DEUP1: variants seen among roughly 807,000 people sequenced by gnomAD.
The protein encoded by DEUP1 is coiled-coil domain containing 67.
In DEUP1, 82 loss-of-function variants were observed where a neutral mutation model predicts 87.4. The observed-to-expected ratio is 0.94, with a 90% CI of 0.78 to 1.13. DEUP1 has a LOEUF of 1.13. Among genes scored for constraint, DEUP1 ranks in the 50% most tolerant of loss-of-function variants. The pLI, the probability that DEUP1 is intolerant of heterozygous loss-of-function variation, is 0.00. For synonymous variants in DEUP1, 214 were observed against 222.7 expected (o/e 0.96, Z 0.35); for missense variants, 663 against 681.5 (o/e 0.97, Z 0.30).
At chr11:93,390,675 C>A (rs183260181) in intron 9 of DEUP1, among the ~76,000 whole-genome samples, 2 of 152,202 alleles carry the variant, frequency 1.3e-5, no homozygotes, top group East Asian at 3.9e-4. Flanking sequence ...TGACTTTGCA[C>A]AGTTTTGACA....
At chr11:93,338,024 T>G (rs989425591) in intron 2 of DEUP1, among the ~76,000 whole-genome samples, 1 of 152,188 alleles carries the variant, frequency 6.6e-6, no homozygotes, top group Non-Finnish European at 1.5e-5. Context: ...CACCTGGGAC[T>G]TTGTGAGCCT....
intron 2 of DEUP1, chr11:93,352,405 T>C (rs1565299816): frequency 1.4e-6 from 1 of 702,502 alleles, no homozygotes; most frequent in Non-Finnish European, 2.6e-6. Flanking sequence ...AAAAGAACTC[T>C]GTAGTGAGAG....
At chr11:93,381,038 C>T (rs367624238) in intron 7 of DEUP1, among the ~76,000 whole-genome samples, 1 of 152,148 alleles carries the variant, frequency 6.6e-6, no homozygotes, top group East Asian at 1.9e-4. Context: ...ATTTTTCATC[C>T]ATTTAGGTAA....
At chr11:93,375,666 T>C (rs889533081) in intron 7 of DEUP1, among the ~76,000 whole-genome samples, 2 of 152,210 alleles carry the variant, frequency 1.3e-5, no homozygotes, top group Admixed American at 6.5e-5. Context: ...CTTTGTGATA[T>C]GCTGTTGGAT....
At chr11:93,373,623 A>ATGTGTGTG (rs1565316282) in intron 7 of DEUP1, among the ~76,000 whole-genome samples, 30 of 106,880 alleles carry the variant, frequency 2.8e-4, no homozygotes, top group African/African-American at 1.0e-3. Flanking sequence ...GTATATATAT[A>ATGTGTGTG]CGTATATATA....
chr11:93,388,925 C>A, intron 8 of DEUP1, 95 bp from the exon 9 acceptor site: 1 of 680,106 alleles, frequency 1.5e-6, no homozygotes, highest in Non-Finnish European at 2.4e-6. Context: ...AATGATCTAT[C>A]TCCGCAGCCT....
chr11:93,418,705 T>G (rs1416357022), intron 13 of DEUP1, among the ~76,000 whole-genome samples: 4 of 151,964 alleles, frequency 2.6e-5, no homozygotes, highest in Non-Finnish European at 5.9e-5. Flanking sequence ...GGACTATAAA[T>G]CATGCTGCTA....
At position 93,339,183 on chromosome 11, in the gene DEUP1, T is replaced by C. The variant is rs767690806; in HGVS notation, c.29+6895T>C. ...TTGCTTCTTATAATAGAAAGTGTTA[T>C]AGAATGACAGAAATATGTTTCACAT... On this transcript the variant is annotated intron_variant, in intron 2 of 13. Transcript: ENST00000298050. 7.2e-5 allele frequency among the ~76,000 whole-genome samples: 11 copies of C among 152,232 alleles called. No individual in the cohort carries two copies. The East Asian group carries it at 1.7e-3, about 24-fold the overall frequency.
intron 2 of DEUP1, among the ~76,000 whole-genome samples, chr11:93,341,222 A>G (rs1196315516): frequency 2.0e-5 from 3 of 151,672 alleles, no homozygotes; most frequent in African/African-American, 7.3e-5. Context: ...GTTTGAGAAC[A>G]GCCTCAGCAT....
chr11:93,364,002 A>G (rs1347257868), intron 4 of DEUP1, among the ~76,000 whole-genome samples, 158 bp from the exon 5 acceptor site: 5 of 151,970 alleles, frequency 3.3e-5, no homozygotes, highest in African/African-American at 4.8e-5. Context: ...TTTAGTTTTA[A>G]TAACTGGTTC....
chr11:93,349,055 T>C (rs1380193887), intron 2 of DEUP1, among the ~76,000 whole-genome samples: 1 of 152,200 alleles, frequency 6.6e-6, no homozygotes, highest in Non-Finnish European at 1.5e-5. Flanking sequence ...TCTGCAAGTC[T>C]GTATTCAGTA....
At chr11:93,341,515 A>G (rs940799679) in intron 2 of DEUP1, among the ~76,000 whole-genome samples, 3 of 152,210 alleles carry the variant, frequency 2.0e-5, no homozygotes, top group Admixed American at 6.5e-5. Flanking sequence ...ATGGGGAGAT[A>G]CTGTAAGTCT....
intron 7 of DEUP1, among the ~76,000 whole-genome samples, chr11:93,372,146 T>G (rs1233224022): frequency 6.6e-6 from 1 of 152,054 alleles, no homozygotes; most frequent in Non-Finnish European, 1.5e-5. Context: ...GCCGGGATGG[T>G]CTCGATCTCC....
At chr11:93,399,812 G>GT (rs564341628) in intron 11 of DEUP1, among the ~76,000 whole-genome samples, 2 of 151,358 alleles carry the variant, frequency 1.3e-5, no homozygotes, top group African/African-American at 2.4e-5. Context: ...CTCATAGTAG[G>GT]TTTTTTTTCT....
At chr11:93,350,439 A>G (rs1196398780) in intron 2 of DEUP1, among the ~76,000 whole-genome samples, 1 of 152,216 alleles carries the variant, frequency 6.6e-6, no homozygotes, top group Non-Finnish European at 1.5e-5. Context: ...AAAACACATT[A>G]CTGTCTAGCT....
At chr11:93,430,325 AAG>A (rs1256333211) in intron 13 of DEUP1, among the ~76,000 whole-genome samples, 2 of 152,200 alleles carry the variant, frequency 1.3e-5, no homozygotes, top group African/African-American at 4.8e-5. Context: ...GTGAAAAAAA[AAG>A]AGGAAACTTC....
chr11:93,367,225 A>G (rs1001878057), intron 5 of DEUP1, among the ~76,000 whole-genome samples: 8 of 152,196 alleles, frequency 5.3e-5, no homozygotes, highest in African/African-American at 1.4e-4. Context: ...TTCCTAATTT[A>G]TAGCCTTCCT....
intron 9 of DEUP1, 108 bp downstream of exon 9, chr11:93,389,233 T>A: frequency 1.5e-6 from 1 of 685,854 alleles, no homozygotes; most frequent in South Asian, 1.8e-5. Context: ...TCCTTCTGTA[T>A]TTTTTTGTAA....
At chr11:93,364,438 T>C (rs1945315357) in intron 5 of DEUP1, 144 bp downstream of exon 5, 2 of 687,436 alleles carry the variant, frequency 2.9e-6, no homozygotes, top group Non-Finnish European at 4.9e-6. Flanking sequence ...GAATATATTT[T>C]CTTAGTGCAC....
Sources: gnomAD v4.1 joint callset for allele counts (sites outside exome capture counted in the v4.1 genomes callset) on GRCh38, gnomAD v4.1.1 for gene constraint, MANE v1.5 for transcripts, NCBI Gene and HGNC (gene_info 2026-07-23, HGNC 2026-07-21) for gene names.